SNX29: variants seen among roughly 807,000 people sequenced by gnomAD.
The protein encoded by SNX29 is sorting nexin 29.
Under a neutral mutation model 102.1 loss-of-function variants are expected in SNX29, and 78 were observed. The ratio of observed to expected loss-of-function variants is 0.76; its 90% CI spans 0.64 to 0.92. The LOEUF (loss-of-function observed/expected upper bound fraction) is 0.92. SNX29 is among the 40% of genes least tolerant of loss of function. The pLI is 0.00. For missense variants in SNX29, 1,280 were observed against 1,061.7 expected (o/e 1.21, Z -2.86); for synonymous variants, 580 against 414.5 (o/e 1.40, Z -4.85).
At chr16:12,468,916 G>A (rs1255269674) in intron 18 of SNX29, among the ~76,000 whole-genome samples, 2 of 152,194 alleles carry the variant, frequency 1.3e-5, no homozygotes, top group Non-Finnish European at 2.9e-5. Flanking sequence ...GGGCACTTCC[G>A]GCCATGCCAG....
chr16:12,415,982 C>T (rs927729605), intron 18 of SNX29, among the ~76,000 whole-genome samples: 2 of 152,112 alleles, frequency 1.3e-5, no homozygotes, highest in Admixed American at 6.5e-5. Flanking sequence ...GAGTGGGGGC[C>T]GTCTTCTGAA....
intron 15 of SNX29, among the ~76,000 whole-genome samples, chr16:12,347,351 C>G (rs1050176781): frequency 2.6e-5 from 4 of 152,006 alleles, no homozygotes; most frequent in Admixed American, 2.6e-4. Flanking sequence ...TCAGGGCAAG[C>G]CTGAATAACT....
chr16:12,369,423 A>T (rs2082602612), intron 16 of SNX29, among the ~76,000 whole-genome samples: 1 of 152,190 alleles, frequency 6.6e-6, no homozygotes, highest in Non-Finnish European at 1.5e-5. Context: ...GGCGTGAGCC[A>T]CCGTGCCCGG....
intron 19 of SNX29, among the ~76,000 whole-genome samples, chr16:12,507,417 A>G (rs956859926): frequency 6.6e-6 from 1 of 152,148 alleles, no homozygotes; most frequent in Non-Finnish European, 1.5e-5. Flanking sequence ...AACCCTCCCC[A>G]ATTCCGTTTT....
intron 13 of SNX29, among the ~76,000 whole-genome samples, chr16:12,143,514 G>GT (rs533795258): frequency 3.3e-5 from 5 of 152,182 alleles, no homozygotes; most frequent in African/African-American, 4.8e-5. Flanking sequence ...GCTCCTAGAT[G>GT]TGGGATCTGA....
At chr16:12,187,366 C>G (rs1202489738) in intron 13 of SNX29, among the ~76,000 whole-genome samples, 1 of 152,142 alleles carries the variant, frequency 6.6e-6, no homozygotes, top group Non-Finnish European at 1.5e-5. Context: ...TTCAGTCTGG[C>G]CAGCGGGGCA....
chr16:12,420,303 A>G (rs1022572888), intron 18 of SNX29, among the ~76,000 whole-genome samples: 7 of 152,260 alleles, frequency 4.6e-5, no homozygotes, highest in Admixed American at 6.5e-5. Context: ...ATTATTTCCA[A>G]TATTTCACAG....
chr16:12,344,475 A>G lies in SNX29; in HGVS notation c.1783-11688A>G, dbSNP rs529529935. 2.9e-4 allele frequency among the ~76,000 whole-genome samples: 44 copies of G among 152,342 alleles called. No individual in the cohort carries two copies. In the South Asian group the frequency reaches 7.5e-3, roughly 26 times the overall value. On this transcript the variant is annotated intron_variant, in intron 15 of 20. Coordinates refer to ENST00000566228, the MANE Select transcript of SNX29 (RefSeq NM_032167.5). Reference sequence around the variant, plus strand: ...GTCTCTCTTGTTTGCTGCTGTATCCATAGTGTTTAAAACAGGGTTTGGCAA... The same window carrying G: ...GTCTCTCTTGTTTGCTGCTGTATCCGTAGTGTTTAAAACAGGGTTTGGCAA...
At chr16:11,992,731 G>A (rs1376906128) in intron 1 of SNX29, among the ~76,000 whole-genome samples, 3 of 152,180 alleles carry the variant, frequency 2.0e-5, no homozygotes, top group Admixed American at 6.5e-5. Context: ...GCACACAGTG[G>A]GCACTCAAAG....
At chr16:12,349,840 C>T (rs887002402) in intron 15 of SNX29, among the ~76,000 whole-genome samples, 1 of 152,122 alleles carries the variant, frequency 6.6e-6, no homozygotes, top group Non-Finnish European at 1.5e-5. Flanking sequence ...GCTTCAGACA[C>T]AGCACTTATA....
chr16:12,537,865 G>C (rs1283293643), intron 20 of SNX29, among the ~76,000 whole-genome samples: 2 of 151,950 alleles, frequency 1.3e-5, no homozygotes, highest in African/African-American at 4.8e-5. Flanking sequence ...CACGCTTATA[G>C]TCCCAGCTTT....
intron 13 of SNX29, among the ~76,000 whole-genome samples, chr16:12,145,365 A>G (rs560798136): frequency 6.6e-6 from 1 of 152,294 alleles, no homozygotes; most frequent in East Asian, 1.9e-4. Flanking sequence ...TGTACATGCA[A>G]TTTACATTCT....
chr16:12,027,537 T>C (rs2057227994), intron 4 of SNX29, 93 bp downstream of exon 4: 1 of 1,503,514 alleles, frequency 6.7e-7, no homozygotes. Context: ...AGGGCAGTGA[T>C]CGCGTGGGAC....
Position 12,571,978 on chromosome 16 carries a change from C to G in SNX29, c.*3349C>G, listed in dbSNP as rs181558975. 4.3e-4 allele frequency: 452 copies of G among 1,061,942 alleles called. No homozygotes were observed. In the African/African-American group the frequency reaches 5.5e-3, roughly 13 times the overall value. 65.8% of individuals were successfully genotyped at this position (1,061,942 alleles called of 1,614,324 possible). On this transcript the variant is annotated 3_prime_UTR_variant, in exon 21 of 21. Coordinates refer to ENST00000566228, the MANE Select transcript of SNX29 (RefSeq NM_032167.5). ...TCTTACAGTCTATGGTGGTAGCCAT[C>G]TTCACATCCAGTCACCAGTTGCATC...
intron 13 of SNX29, among the ~76,000 whole-genome samples, chr16:12,180,652 T>A (rs948182456): frequency 6.6e-6 from 1 of 152,056 alleles, no homozygotes; most frequent in South Asian, 2.1e-4. Context: ...TCCGGCTAAT[T>A]TTTTAAATAT....
chr16:12,283,755 A>G (rs771865282), intron 15 of SNX29, among the ~76,000 whole-genome samples: 1 of 152,232 alleles, frequency 6.6e-6, no homozygotes, highest in African/African-American at 2.4e-5. Flanking sequence ...TGGGTGAGGC[A>G]GACGTGCCTG....
rs150586669 is a variant in SNX29, at chr16:12,236,722, C to G, written c.1678+37039C>G. Among the ~76,000 whole-genome samples the G allele has an allele frequency of 6.1e-3, 932 of 152,372 alleles. 20 individuals are homozygous for G. The highest frequency in any genetic ancestry group is 0.039 in the Admixed American group (601 of 15,306). ...GTACCACAGTGAACACTTTGAGATG[C>G]TGGCGTTCCTCTTTCGCATCTCCCT... On this transcript the variant is annotated intron_variant, in intron 14 of 20. Coordinates refer to ENST00000566228, the MANE Select transcript of SNX29 (RefSeq NM_032167.5).
intron 14 of SNX29, among the ~76,000 whole-genome samples, chr16:12,268,990 C>T (rs566377382): frequency 1.3e-5 from 2 of 152,300 alleles, no homozygotes; most frequent in South Asian, 4.1e-4. Flanking sequence ...TGAATGTTCT[C>T]TAAGTTTAGA....
At chr16:12,552,432 C>G (rs111920951) in intron 20 of SNX29, among the ~76,000 whole-genome samples, 124 of 152,250 alleles carry the variant, frequency 8.1e-4, no homozygotes, top group African/African-American at 2.7e-3. Flanking sequence ...TCTTTTGGCT[C>G]GAGAGCTGGA....
Sources: allele counts gnomAD v4.1 joint callset (sites outside exome capture counted in the v4.1 genomes callset), GRCh38; gene constraint gnomAD v4.1.1; transcripts MANE v1.5; gene names NCBI Gene and HGNC (gene_info 2026-07-23, HGNC 2026-07-21).